The following TMEM196 variants were observed in gnomAD, a reference collection of about 807,000 sequenced individuals.
TMEM196 encodes transmembrane protein 196.
A neutral mutation model predicts 20.0 loss-of-function variants in TMEM196; 17 were observed. The ratio of observed to expected loss-of-function variants is 0.85; its 90% confidence interval spans 0.58 to 1.27. The LOEUF is 1.27. TMEM196 is among the 50% of genes most tolerant of loss of function. The probability of loss-of-function intolerance (pLI) is 0.00; values close to 1 mark genes in which losing one functional copy is unlikely to be tolerated. For synonymous variants in TMEM196, 113 were observed against 88.9 expected, an observed-to-expected ratio of 1.27 and a Z score of -1.52; for missense variants, 267 against 223.0, an observed-to-expected ratio of 1.20 and a Z score of -1.26.
Position 19,772,698 on chromosome 7 carries a change from C to G in TMEM196, c.-2G>C, listed in dbSNP as rs533323497. The G allele has an allele frequency of 2.0e-6, 3 of 1,506,394 alleles. No individual in the cohort carries two copies. The South Asian group carries it at 3.8e-5, about 19-fold the overall frequency. 93.3% of individuals were successfully genotyped at this position (1,506,394 alleles called of 1,614,324 possible). A position where few individuals can be genotyped will look rare whatever the true frequency, so the allele number is the denominator to read the frequency against. ...AATAATCTGACCGCTGGTGCACATC[C>G]TTCCTCGGTCATCTTCCTTCCAGAT... On this transcript the variant is annotated 5_prime_UTR_variant, in exon 1 of 5. Coordinates refer to ENST00000405844, the MANE Select transcript of TMEM196 (RefSeq NM_001363562.2).
chr7:19,769,183 A>G (rs1785760696), intron 1 of TMEM196, among the ~76,000 whole-genome samples: 1 of 152,156 alleles, frequency 6.6e-6, no homozygotes, highest in Non-Finnish European at 1.5e-5. Context: ...CAGGTTAATT[A>G]TTGTAAAATC....
At chr7:19,762,173 A>G (rs954791590) in intron 1 of TMEM196, among the ~76,000 whole-genome samples, 1 of 152,092 alleles carries the variant, frequency 6.6e-6, no homozygotes, top group East Asian at 1.9e-4. Flanking sequence ...CATTTTTCTA[A>G]ATAAATCTTA....
In TMEM196 at chr7:19,722,073, G is replaced by T; in HGVS notation, c.*55C>A. 6.2e-7 allele frequency: 1 copy of T among 1,608,172 alleles called. No homozygotes were observed. The highest frequency in any genetic ancestry group is 1.1e-5 in the South Asian group (1 of 90,254). ...AAAGTGTTCAATTCTTTAAAACATT[G>T]ATTACACTCTTCCATTAAATATCAG... On this transcript the variant is annotated 3_prime_UTR_variant, in exon 5 of 5. Coordinates refer to ENST00000405844, the MANE Select transcript of TMEM196 (RefSeq NM_001363562.2).
At chr7:19,764,162 C>T (rs1785537325) in intron 1 of TMEM196, among the ~76,000 whole-genome samples, 1 of 152,196 alleles carries the variant, frequency 6.6e-6, no homozygotes, top group Non-Finnish European at 1.5e-5. Context: ...TTTAATTTTC[C>T]TCAATTTCAA....
chr7:19,725,814 T>C (rs781626933), intron 2 of TMEM196, 46 bp from the exon 3 acceptor site: 2 of 1,543,226 alleles, frequency 1.3e-6, no homozygotes, highest in Non-Finnish European at 1.8e-6. Context: ...AAGGCAAACC[T>C]GACCAGAACA....
In TMEM196 at chr7:19,772,840, G is replaced by A; in HGVS notation, c.-144C>T. On this transcript the variant is annotated 5_prime_UTR_variant, in exon 1 of 5. Coordinates refer to ENST00000405844, the MANE Select transcript of TMEM196 (RefSeq NM_001363562.2). Reference sequence around the variant, plus strand: ...CAAGAGCGAGGCATTATCCACAAGGGCTGGATTTCCAGAAACGAAGACCTT... The same window carrying A: ...CAAGAGCGAGGCATTATCCACAAGGACTGGATTTCCAGAAACGAAGACCTT... 1.2e-6 allele frequency: 1 copy of A among 809,294 alleles called. No individual in the cohort carries two copies. Among genetic ancestry groups the A allele is most frequent in the African/African-American group, 1.8e-5 (1 of 56,378 alleles). The allele number at this position is 809,294 out of a possible 1,614,324, so 50.1% of individuals were successfully genotyped here. A position where few individuals can be genotyped will look rare whatever the true frequency, so the allele number is the denominator to read the frequency against.
At chr7:19,741,832 C>A (rs1367472630) in intron 1 of TMEM196, among the ~76,000 whole-genome samples, 1 of 152,102 alleles carries the variant, frequency 6.6e-6, no homozygotes, top group Non-Finnish European at 1.5e-5. Context: ...AGAATATATT[C>A]CAGTAGTTGA....
intron 4 of TMEM196, among the ~76,000 whole-genome samples, chr7:19,722,803 T>A (rs1783855502): frequency 6.6e-6 from 1 of 152,196 alleles, no homozygotes; most frequent in African/African-American, 2.4e-5. Context: ...AAAGTTTCAT[T>A]TTCAATTATA....
At chr7:19,731,566 C>G (rs943584473) in intron 1 of TMEM196, among the ~76,000 whole-genome samples, 1 of 152,198 alleles carries the variant, frequency 6.6e-6, no homozygotes, top group Non-Finnish European at 1.5e-5. Flanking sequence ...TCCCATTTAT[C>G]CAGAACTCAT....
intron 3 of TMEM196, 59 bp downstream of exon 3, chr7:19,725,455 A>G: frequency 1.3e-6 from 2 of 1,538,122 alleles, no homozygotes. Flanking sequence ...TGATTCACCC[A>G]GAGTGGACTT....
At position 19,720,464 on chromosome 7, in the gene TMEM196, A is replaced by C. The variant is rs1412504113; in HGVS notation, c.*1664T>G. 1.3e-5 allele frequency: 2 copies of C among 152,024 alleles called. No individual in the cohort carries two copies. Among genetic ancestry groups the C allele is most frequent in the African/African-American group, 4.8e-5 (2 of 41,444 alleles). The allele number at this position is 152,024 out of a possible 1,614,324, so 9.4% of individuals were successfully genotyped here. On this transcript the variant is annotated 3_prime_UTR_variant, in exon 5 of 5. Coordinates refer to ENST00000405844, the MANE Select transcript of TMEM196 (RefSeq NM_001363562.2). ...TACTGAACAGTAAATATTTTAATTT[A>C]CCTATGGTTCAACAAGTAACTCATA...
At chr7:19,738,330 T>G (rs1004554793) in intron 1 of TMEM196, among the ~76,000 whole-genome samples, 7 of 152,110 alleles carry the variant, frequency 4.6e-5, no homozygotes, top group African/African-American at 1.4e-4. Flanking sequence ...GTTGTAGGTA[T>G]CAGTATTAAG....
At chr7:19,742,533 C>T (rs1784615742) in intron 1 of TMEM196, among the ~76,000 whole-genome samples, 2 of 152,066 alleles carry the variant, frequency 1.3e-5, no homozygotes. Context: ...CTCCATTTGA[C>T]GACATATGTT....
intron 1 of TMEM196, among the ~76,000 whole-genome samples, chr7:19,771,107 A>G (rs1312458778): frequency 6.6e-6 from 1 of 152,162 alleles, no homozygotes; most frequent in Admixed American, 6.5e-5. Context: ...TTATATGATA[A>G]CAACAAAAAC....
At chr7:19,726,310 A>G (rs1583415945) in intron 2 of TMEM196, among the ~76,000 whole-genome samples, 1 of 152,066 alleles carries the variant, frequency 6.6e-6, no homozygotes, top group East Asian at 1.9e-4. Flanking sequence ...TTCTCTTTGG[A>G]TTGTCATTAG....
intron 1 of TMEM196, among the ~76,000 whole-genome samples, chr7:19,730,267 A>G (rs913492917): frequency 3.3e-5 from 5 of 151,952 alleles, no homozygotes; most frequent in Admixed American, 2.0e-4. Flanking sequence ...AAAAAGAAAA[A>G]AAAAAAAAAG....
At chr7:19,759,335 A>C (rs999218384) in intron 1 of TMEM196, among the ~76,000 whole-genome samples, 2 of 152,032 alleles carry the variant, frequency 1.3e-5, no homozygotes, top group Non-Finnish European at 2.9e-5. Flanking sequence ...TCCTCAGCAT[A>C]TCTCTCTGGC....
At chr7:19,739,614 A>T (rs1052683054) in intron 1 of TMEM196, among the ~76,000 whole-genome samples, 1 of 152,114 alleles carries the variant, frequency 6.6e-6, no homozygotes, top group Admixed American at 6.6e-5. Flanking sequence ...TAAGCAAAAG[A>T]CTAATTTCCC....
intron 1 of TMEM196, among the ~76,000 whole-genome samples, chr7:19,760,915 C>T (rs1785410157): frequency 2.0e-5 from 3 of 152,184 alleles, no homozygotes; most frequent in South Asian, 2.1e-4. Context: ...GAAGCTTGTG[C>T]TCCTGGAGTC....
Sources: gnomAD v4.1 joint callset for allele counts (sites outside exome capture counted in the v4.1 genomes callset) on GRCh38, gnomAD v4.1.1 for gene constraint, MANE v1.5 for transcripts, NCBI Gene and HGNC (gene_info 2026-07-23, HGNC 2026-07-21) for gene names.